The following ATP1A4 variants were observed in gnomAD, a reference collection of about 807,000 sequenced individuals.
ATP1A4 encodes the protein sodium/potassium-transporting ATPase subunit alpha-4.
ATP1A4 carries 90 observed loss-of-function variants against 114.3 expected under a neutral mutation model. The observed-to-expected ratio is 0.79, with a 90% CI of 0.66 to 0.94. The LOEUF (loss-of-function observed/expected upper bound fraction) is 0.94. Ranked by LOEUF, ATP1A4 falls within the 40% of genes least tolerant of loss-of-function variation. The pLI is 0.00. For synonymous variants in ATP1A4, 511 were observed against 494.1 expected, an observed-to-expected ratio of 1.03 and a Z score of -0.45; for missense variants, 1,222 against 1,313.6, an observed-to-expected ratio of 0.93 and a Z score of 1.08.
chr1:160,164,090 G>A (rs755802980), intron 6 of ATP1A4, 66 bp from the exon 7 acceptor site: 3 of 1,560,974 alleles, frequency 1.9e-6, no homozygotes, highest in Admixed American at 1.8e-5. Context: ...AGTGGGGGCA[G>A]AGACCAATAT....
Position 160,152,006 on chromosome 1 carries a change from C to T in ATP1A4, c.-35C>T, listed in dbSNP as rs1374770465. ...CCTCACTCTCTCAGCTTTCTTCCCA[C>T]AGTTGAGCTCGGGCAGCTCTTTCTG... On this transcript the variant is annotated 5_prime_UTR_variant, in exon 1 of 22. Transcript: ENST00000368081. 3 of 1,594,494 alleles carry T rather than the reference C, an allele frequency of 1.9e-6. No individual in the cohort carries two copies. Among genetic ancestry groups the T allele is most frequent in the South Asian group, 2.3e-5 (2 of 88,668 alleles).
At chr1:160,177,293 A>G in intron 17 of ATP1A4, 1 of 496,004 alleles carries the variant, frequency 2.0e-6, no homozygotes, top group South Asian at 3.9e-5. Flanking sequence ...TTCAAAGCTG[A>G]CTCTGGGTCA....
chr1:160,159,789 C>T (rs1056716940), intron 6 of ATP1A4, among the ~76,000 whole-genome samples: 2 of 152,214 alleles, frequency 1.3e-5, no homozygotes, highest in South Asian at 4.1e-4. Flanking sequence ...AGACCTAATA[C>T]ATTGTAAGTG....
intron 3 of ATP1A4, among the ~76,000 whole-genome samples, 155 bp downstream of exon 3, chr1:160,155,403 A>AAATGTAATTGATTGTAATTAATTAC (rs1281571815): frequency 1.6e-4 from 25 of 152,110 alleles, no homozygotes; most frequent in Admixed American, 2.6e-4. Context: ...CATTAATTAT[A>AAATGTAATTGATTGTAATTAATTAC]AATGTAATTG....
intron 20 of ATP1A4, 129 bp downstream of exon 20, chr1:160,182,160 G>A (rs1653730184): frequency 1.4e-6 from 1 of 730,654 alleles, no homozygotes; most frequent in Non-Finnish European, 2.4e-6. Flanking sequence ...TGTACACTCA[G>A]TGATACAAGG....
intron 14 of ATP1A4, 137 bp downstream of exon 14, chr1:160,174,398 C>T: frequency 7.0e-7 from 1 of 1,429,156 alleles, no homozygotes; most frequent in Non-Finnish European, 9.4e-7. Context: ...TCCATGGTGG[C>T]CTTCAGTTTG....
intron 4 of ATP1A4, among the ~76,000 whole-genome samples, chr1:160,158,548 T>G (rs951952122): frequency 6.6e-6 from 1 of 152,082 alleles, no homozygotes; most frequent in South Asian, 2.1e-4. Flanking sequence ...GGCTAATTTT[T>G]TTTTCAATTT....
rs567984711 is a variant in ATP1A4 at position 160,174,787 on chromosome 1, G to A, written c.2311+40G>A. 2.5e-6 allele frequency: 4 copies of A among 1,611,730 alleles called. No homozygotes were observed. In the African/African-American group the frequency reaches 5.3e-5, roughly 21 times the overall value. ...TGCCCATGGTGGAGACTTCAACCCT[G>A]GACTCAGGTGGGGGTTGGTGTACAT... On this transcript the variant is annotated intron_variant, in intron 15 of 21. Transcript: ENST00000368081.
intron 1 of ATP1A4, among the ~76,000 whole-genome samples, chr1:160,152,597 C>T (rs1652496775): frequency 1.3e-5 from 2 of 152,286 alleles, no homozygotes; most frequent in South Asian, 2.1e-4. Flanking sequence ...GACCTTTGCC[C>T]AGCAGGATGT....
Position 160,164,025 on chromosome 1 carries a change from A to C in ATP1A4, c.779-131A>C, listed in dbSNP as rs375558891. 9.2e-4 allele frequency: 1,117 copies of C among 1,210,278 alleles called. 14 individuals carry two copies. The South Asian group carries it at 0.016, about 17-fold the overall frequency. The allele number at this position is 1,210,278 out of a possible 1,614,324, so 75.0% of individuals were successfully genotyped here. ...GGGTCAAAGACCAAATATTAGAACA[A>C]AAGATTCTCCTAGCACCCCTATCTT... On this transcript the variant is annotated intron_variant, in intron 6 of 21. Coordinates refer to ENST00000368081, the MANE Select transcript of ATP1A4 (RefSeq NM_144699.4).
intron 18 of ATP1A4, 89 bp from the exon 19 acceptor site, chr1:160,181,584 TGACTCAGCCCA>T (rs1276062409): frequency 7.6e-7 from 1 of 1,314,474 alleles, no homozygotes; most frequent in African/African-American, 1.5e-5. Context: ...AATGAGGACC[TGACTCAGCCCA>T]GGGGTCCTGG....
intron 17 of ATP1A4, 176 bp from the exon 18 acceptor site, chr1:160,177,343 A>G: frequency 3.4e-6 from 2 of 586,582 alleles, no homozygotes; most frequent in Middle Eastern, 4.6e-4. Context: ...GGAAAGTCCC[A>G]CAGAGATGAG....
In ATP1A4 at chr1:160,168,629, C is replaced by T. The variant is rs1265662111; in HGVS notation, c.1491+1217C>T. ...GAACTCCTGACCTCAGGTGATCCACCCGCCTCAGCCTCCCAAAGTGCTAGG... is the reference window on the plus strand; with the variant it reads ...GAACTCCTGACCTCAGGTGATCCACTCGCCTCAGCCTCCCAAAGTGCTAGG... On this transcript the variant is annotated intron_variant, in intron 10 of 21. Transcript: ENST00000368081. Among the ~76,000 whole-genome samples the T allele has an allele frequency of 1.2e-4, 18 of 152,238 alleles. No homozygotes were observed. In the South Asian group the frequency reaches 3.5e-3, roughly 30 times the overall value.
intron 17 of ATP1A4, 199 bp from the exon 18 acceptor site, chr1:160,177,320 G>A (rs1351376904): frequency 5.6e-6 from 3 of 540,342 alleles, no homozygotes; most frequent in African/African-American, 1.9e-5. Flanking sequence ...AGAAACAAAT[G>A]TCAGGGCTTG....
rs570162505 is a variant in ATP1A4, at chr1:160,167,667, G to A, written c.1491+255G>A. 5.1e-4 allele frequency among the ~76,000 whole-genome samples: 78 copies of A among 152,210 alleles called. 2 individuals are homozygous for A. Among genetic ancestry groups the A allele is most frequent in the Admixed American group, 4.1e-3 (62 of 15,280 alleles). ...GAGCTCTGCCACTTGGGGAAAAAGC[G>A]AGTCATAAAATCCTCTCTGAAATGT... On this transcript the variant is annotated intron_variant, in intron 10 of 21. Coordinates refer to ENST00000368081, the MANE Select transcript of ATP1A4 (RefSeq NM_144699.4).
At position 160,171,279 on chromosome 1, in the gene ATP1A4, C is replaced by T. The variant is rs143272416; in HGVS notation, c.1520C>T (p.Ser507Phe). Residue 507 changes from serine to phenylalanine, a missense_variant, in exon 11 of 22, where the codon TCC becomes TTC. Physicochemically the swap from Ser to Phe is radical, Grantham distance 155. Transcript: ENST00000368081. Reference protein sequence around the residue: ...QMSIHLREDSSQTHVLMMKGA... With the variant: ...QMSIHLREDSFQTHVLMMKGA... ...TCCATCCACCTTCGGGAGGACAGCT[C>T]CCAGACCCACGTACTGATGATGAAG... 4 of 1,613,928 alleles carry T rather than the reference C, an allele frequency of 2.5e-6. No homozygotes were observed. Among genetic ancestry groups the T allele is most frequent in the Non-Finnish European group, 3.4e-6 (4 of 1,179,882 alleles).
chr1:160,156,618 C>T (rs1291218796), intron 4 of ATP1A4, among the ~76,000 whole-genome samples: 1 of 151,896 alleles, frequency 6.6e-6, no homozygotes, highest in East Asian at 1.9e-4. Flanking sequence ...GCAACAGGAT[C>T]ACCCAGGAGT....
At chr1:160,165,953 C>A (rs1653013356) in intron 7 of ATP1A4, among the ~76,000 whole-genome samples, 1 of 151,980 alleles carries the variant, frequency 6.6e-6, no homozygotes, top group African/African-American at 2.4e-5. Context: ...GGATCCCTGT[C>A]TATGATACCC....
chr1:160,158,998 A>C lies in ATP1A4; in HGVS notation c.526-4A>C, dbSNP rs368953880. The C allele has an allele frequency of 5.8e-4, 928 of 1,613,578 alleles. 5 individuals are homozygous for C. The African/African-American group carries it at 0.011, about 19-fold the overall frequency. On this transcript the variant is annotated splice_region_variant and splice_polypyrimidine_tract_variant and intron_variant, in intron 4 of 21. Transcript: ENST00000368081. ...GGAAATGATCCTGCACTATCCTCTC[A>C]TAGCAAGCTCTGGTAATTCGAGGAG... is the stretch of plus-strand genomic sequence containing the variant.
Sources: allele counts gnomAD v4.1 joint callset (sites outside exome capture counted in the v4.1 genomes callset), GRCh38; gene constraint gnomAD v4.1.1; transcripts MANE v1.5; gene names NCBI Gene and HGNC (gene_info 2026-07-23, HGNC 2026-07-21).